The following ERP44 variants were observed in gnomAD, a reference collection of about 807,000 sequenced individuals.
ERP44 encodes the protein endoplasmic reticulum protein 44.
A neutral mutation model predicts 53.4 loss-of-function variants in ERP44; 25 were observed. The ratio of observed to expected loss-of-function variants is 0.47; its 90% CI spans 0.34 to 0.65. ERP44 has a LOEUF of 0.65. Ranked by LOEUF, ERP44 falls within the 30% of genes least tolerant of loss-of-function variation. ERP44 has a pLI of 0.01. For missense variants in ERP44, 338 were observed against 493.2 expected (o/e 0.69, Z 2.98); for synonymous variants, 145 against 161.2 (o/e 0.90, Z 0.76).
At chr9:100,029,667 T>A (rs1386394145) in intron 4 of ERP44, among the ~76,000 whole-genome samples, 1 of 152,208 alleles carries the variant, frequency 6.6e-6, no homozygotes. Context: ...TCCATTACTG[T>A]GTATTTATCC....
chr9:100,089,828 A>G (rs1826530366), intron 1 of ERP44, among the ~76,000 whole-genome samples: 1 of 152,176 alleles, frequency 6.6e-6, no homozygotes, highest in Admixed American at 6.5e-5. Flanking sequence ...GTATGTATGT[A>G]TAAGAAAAAA....
At chr9:100,028,753 C>G (rs1587967890) in intron 4 of ERP44, among the ~76,000 whole-genome samples, 2 of 152,034 alleles carry the variant, frequency 1.3e-5, no homozygotes, top group Non-Finnish European at 2.9e-5. Context: ...GAAGAAATTC[C>G]TAGAGAGAGT....
rs34197217 is a variant in ERP44, at chr9:99,982,416, GT to G, written c.*195del. 73 of 226,898 alleles carry G rather than the reference GT, an allele frequency of 3.2e-4. No individual in the cohort carries two copies. Among genetic ancestry groups the G allele is most frequent in the Non-Finnish European group, 4.5e-4 (54 of 121,180 alleles). The allele number at this position is 226,898 out of a possible 1,614,324, so 14.1% of individuals were successfully genotyped here. On this transcript the variant is annotated 3_prime_UTR_variant, in exon 12 of 12. Transcript: ENST00000262455. ...GATTTTTATTTTTAAATCCTAGCAG[GT>G]TTTTTTTTTTTAAGAGGCTACTATA... is the stretch of plus-strand genomic sequence containing the variant.
rs370580852 is a variant in ERP44 at position 99,982,592 on chromosome 9, A to G, written c.*20T>C. The G allele has an allele frequency of 2.9e-6, 4 of 1,368,564 alleles. No homozygotes were observed. The African/African-American group carries it at 4.4e-5, about 15-fold the overall frequency. The allele number at this position is 1,368,564 out of a possible 1,614,324, so 84.8% of individuals were successfully genotyped here. A position where few individuals can be genotyped will look rare whatever the true frequency, so the allele number is the denominator to read the frequency against. The stretch of plus-strand genomic sequence containing the variant: ...GGTTGATGCTGCTGTTGAAAGGCTT[A>G]CAAACTGTTTTTCAAGTTTTTAAAG... On this transcript the variant is annotated 3_prime_UTR_variant, in exon 12 of 12. Transcript: ENST00000262455.
At chr9:100,029,403 A>C (rs1825749701) in intron 4 of ERP44, among the ~76,000 whole-genome samples, 1 of 152,248 alleles carries the variant, frequency 6.6e-6, no homozygotes, top group African/African-American at 2.4e-5. Context: ...ATGGCCAAAA[A>C]GCATGTGAAA....
chr9:100,084,107 A>G (rs1353412767), intron 1 of ERP44, among the ~76,000 whole-genome samples: 1 of 152,192 alleles, frequency 6.6e-6, no homozygotes, highest in Non-Finnish European at 1.5e-5. Flanking sequence ...GTCTTACAGA[A>G]GACTTACCAA....
At chr9:100,015,506 T>C (rs1457698581) in intron 8 of ERP44, among the ~76,000 whole-genome samples, 1 of 152,238 alleles carries the variant, frequency 6.6e-6, no homozygotes, top group Non-Finnish European at 1.5e-5. Context: ...TGGGCTTGAT[T>C]TCAGATGCAT....
chr9:100,032,010 T>C (rs1203432242), intron 4 of ERP44, among the ~76,000 whole-genome samples: 1 of 152,222 alleles, frequency 6.6e-6, no homozygotes, highest in Non-Finnish European at 1.5e-5. Flanking sequence ...TACTTGACTC[T>C]GCACTTTTGG....
Position 100,098,981 on chromosome 9 carries a change from C to T in ERP44, c.-141G>A. ...GCAGCGGCACCTCGTCCTCTCGACCCGGGCTCCAGCGGCGAACACCCGGGA... is the reference window on the plus strand; with the variant it reads ...GCAGCGGCACCTCGTCCTCTCGACCTGGGCTCCAGCGGCGAACACCCGGGA... On this transcript the variant is annotated 5_prime_UTR_variant, in exon 1 of 12. Coordinates refer to ENST00000262455, the MANE Select transcript of ERP44 (RefSeq NM_015051.3). 1.6e-6 allele frequency: 1 copy of T among 644,390 alleles called. No homozygotes were observed. Among genetic ancestry groups the T allele is most frequent in the Non-Finnish European group, 2.7e-6 (1 of 365,586 alleles). The allele number at this position is 644,390 out of a possible 1,614,324, so 39.9% of individuals were successfully genotyped here. A position where few individuals can be genotyped will look rare whatever the true frequency, so the allele number is the denominator to read the frequency against.
intron 1 of ERP44, among the ~76,000 whole-genome samples, chr9:100,096,390 C>T (rs555470399): frequency 4.6e-4 from 69 of 151,414 alleles, no homozygotes; most frequent in African/African-American, 8.7e-4. Flanking sequence ...TCTATATAGA[C>T]GCAAATAAAT....
intron 4 of ERP44, among the ~76,000 whole-genome samples, chr9:100,031,252 G>T (rs1405819694): frequency 2.6e-5 from 4 of 152,112 alleles, no homozygotes; most frequent in African/African-American, 7.2e-5. Flanking sequence ...GCTTGACCTT[G>T]TAAGAATGGG....
intron 1 of ERP44, among the ~76,000 whole-genome samples, chr9:100,082,554 T>C (rs1007031320): frequency 2.6e-5 from 4 of 152,084 alleles, no homozygotes; most frequent in African/African-American, 9.7e-5. Context: ...CAGTCGTCCA[T>C]GGGTACCTAC....
chr9:100,026,617 AAAAAATCAGTAATAAT>A (rs1830655269), intron 4 of ERP44, among the ~76,000 whole-genome samples: 1 of 152,218 alleles, frequency 6.6e-6, no homozygotes, highest in African/African-American at 2.4e-5. Context: ...TCATACTGGC[AAAAAATCAGTAATAAT>A]AAAAATGTTT....
chr9:100,000,908 TTC>T (rs1830369287), intron 10 of ERP44, among the ~76,000 whole-genome samples: 1 of 152,156 alleles, frequency 6.6e-6, no homozygotes, highest in Non-Finnish European at 1.5e-5. Context: ...GCTTGGTTTG[TTC>T]TTTTTCTAGT....
At chr9:99,990,629 A>G (rs2118605555) in intron 10 of ERP44, among the ~76,000 whole-genome samples, 1 of 152,330 alleles carries the variant, frequency 6.6e-6, no homozygotes, top group African/African-American at 2.4e-5. Context: ...TAACCAGCTA[A>G]CATCATAATG....
intron 4 of ERP44, among the ~76,000 whole-genome samples, chr9:100,045,629 A>T (rs924153237): frequency 6.6e-6 from 1 of 152,206 alleles, no homozygotes; most frequent in Non-Finnish European, 1.5e-5. Flanking sequence ...TTTCCAAGAA[A>T]TAATACTGTG....
chr9:100,009,882 G>A (rs949892267), intron 8 of ERP44, among the ~76,000 whole-genome samples: 5 of 151,970 alleles, frequency 3.3e-5, no homozygotes, highest in Admixed American at 6.5e-5. Context: ...TTTTCAGGAC[G>A]TAATGCCGCT....
At chr9:100,003,882 T>G (rs1445461891) in intron 10 of ERP44, among the ~76,000 whole-genome samples, 1 of 152,128 alleles carries the variant, frequency 6.6e-6, no homozygotes, top group African/African-American at 2.4e-5. Flanking sequence ...CTTCCGTCCA[T>G]GGAGACTGGC....
At chr9:99,997,816 C>T (rs1416540659) in intron 10 of ERP44, among the ~76,000 whole-genome samples, 1 of 152,104 alleles carries the variant, frequency 6.6e-6, no homozygotes, top group Non-Finnish European at 1.5e-5. Flanking sequence ...ACTTTGCAGG[C>T]ATGGCTGACT....
Sources: gnomAD v4.1 joint callset for allele counts (sites outside exome capture counted in the v4.1 genomes callset) on GRCh38, gnomAD v4.1.1 for gene constraint, MANE v1.5 for transcripts, NCBI Gene and HGNC (gene_info 2026-07-23, HGNC 2026-07-21) for gene names.